The following PPARGC1A variants were observed in gnomAD, a reference collection of about 807,000 sequenced individuals.
The protein encoded by PPARGC1A is PPARG coactivator 1 alpha, also known as peroxisome proliferator-activated receptor gamma coactivator 1-alpha.
Under a neutral mutation model 88.7 loss-of-function variants are expected in PPARGC1A, and 25 were observed. The observed-to-expected ratio is 0.28, with a 90% CI of 0.21 to 0.39. The LOEUF (loss-of-function observed/expected upper bound fraction) is 0.39. Among genes scored for constraint, PPARGC1A ranks in the 10% least tolerant of loss-of-function variants. PPARGC1A has a pLI of 1.00. For synonymous variants in PPARGC1A, 363 were observed against 355.6 expected (o/e 1.02, Z -0.24); for missense variants, 880 against 968.7 (o/e 0.91, Z 1.22).
At chr4:24,308,275 G>C in the PPARGC1A span, among the ~76,000 whole-genome samples, 35,196 of 121,878 alleles carry the variant, frequency 0.29, 5,104 homozygotes, top group Middle Eastern at 0.46. Context: ...CTGGGTGACA[G>C]AGTGAGACTC....
intron 2 of PPARGC1A, among the ~76,000 whole-genome samples, chr4:23,864,041 C>T (rs1271607959): frequency 6.6e-6 from 1 of 152,152 alleles, no homozygotes; most frequent in African/African-American, 2.4e-5. Context: ...GTCACTGGAC[C>T]CAGCCTTGAA....
the PPARGC1A span, among the ~76,000 whole-genome samples, chr4:24,193,606 C>T: frequency 2.0e-5 from 3 of 152,272 alleles, no homozygotes; most frequent in East Asian, 1.9e-4. Context: ...CACATAGGGA[C>T]GCCATATATG....
chr4:24,220,651 C>T, the PPARGC1A span, among the ~76,000 whole-genome samples: 1 of 152,064 alleles, frequency 6.6e-6, no homozygotes, highest in East Asian at 1.9e-4. Context: ...CACGTTCTCA[C>T]TTATAAGTGG....
intron 2 of PPARGC1A, chr4:23,881,825 T>A (rs1000937508): frequency 4.6e-5 from 7 of 152,214 alleles, no homozygotes; most frequent in Admixed American, 4.6e-4. Flanking sequence ...CTTTGCAAAT[T>A]GGAAGAAGGT....
chr4:23,814,067 A>G lies in PPARGC1A; in HGVS notation c.1416T>C (p.Ala472=). The G allele has an allele frequency of 6.2e-7, 1 of 1,614,060 alleles. No homozygotes were observed. Reference sequence around the variant, plus strand: ...TCTTGTCTGCTTCGTCGTCAAAAACAGCTTGACTGGGATGACCGAAGTGCT... The same window carrying G: ...TCTTGTCTGCTTCGTCGTCAAAAACGGCTTGACTGGGATGACCGAAGTGCT... ...LNKHFGHPSQ[A]VFDDEADKTG... is the part of the protein sequence containing the mutation. The change falls in exon 8 of 13, where the codon GCT becomes GCC. Residue 472 remains alanine, a synonymous_variant. Coordinates refer to ENST00000264867, the MANE Select transcript of PPARGC1A (RefSeq NM_013261.5).
At chr4:24,108,342 G>A in the PPARGC1A span, among the ~76,000 whole-genome samples, 1 of 151,792 alleles carries the variant, frequency 6.6e-6, no homozygotes, top group African/African-American at 2.4e-5. Context: ...GAAAAACTAG[G>A]GTTTCTTCTA....
At chr4:24,469,562 T>C in the PPARGC1A span, among the ~76,000 whole-genome samples, 4 of 152,112 alleles carry the variant, frequency 2.6e-5, no homozygotes, top group Non-Finnish European at 4.4e-5. Flanking sequence ...TAATCTCCTC[T>C]CCCCACCATA....
At chr4:24,454,114 G>T in the PPARGC1A span, among the ~76,000 whole-genome samples, 2 of 151,722 alleles carry the variant, frequency 1.3e-5, no homozygotes, top group African/African-American at 4.8e-5. Context: ...ATACATGGCT[G>T]TGTTAGCCCC....
the PPARGC1A span, among the ~76,000 whole-genome samples, chr4:23,965,312 A>G: frequency 2.6e-5 from 4 of 152,198 alleles, no homozygotes; most frequent in Admixed American, 2.0e-4. Flanking sequence ...CCAAAAATTT[A>G]TTGATGGCAG....
chr4:23,906,574 C>T (rs1409918060), upstream of PPARGC1A, among the ~76,000 whole-genome samples: 1 of 142,562 alleles, frequency 7.0e-6, no homozygotes, highest in East Asian at 2.1e-4. Context: ...GCTACGCACT[C>T]CAGCCTGGGT....
At chr4:24,188,410 T>G in the PPARGC1A span, among the ~76,000 whole-genome samples, 7 of 152,222 alleles carry the variant, frequency 4.6e-5, no homozygotes, top group East Asian at 1.4e-3. Context: ...CACTAACTCT[T>G]AAGGAACCCC....
At chr4:24,151,340 A>G in the PPARGC1A span, among the ~76,000 whole-genome samples, 1 of 152,146 alleles carries the variant, frequency 6.6e-6, no homozygotes, top group Admixed American at 6.5e-5. Context: ...GCTTGCAGGT[A>G]GCTGCCTTCT....
At chr4:24,161,760 C>T in the PPARGC1A span, among the ~76,000 whole-genome samples, 4 of 152,260 alleles carry the variant, frequency 2.6e-5, no homozygotes, top group South Asian at 2.1e-4. Context: ...GGAGCTATGG[C>T]TTCACTGAGT....
chr4:24,046,615 T>C, the PPARGC1A span, among the ~76,000 whole-genome samples: 1 of 152,206 alleles, frequency 6.6e-6, no homozygotes, highest in Non-Finnish European at 1.5e-5. Flanking sequence ...ATCTTTAGTA[T>C]GTCCTGTGTG....
intron 2 of PPARGC1A, among the ~76,000 whole-genome samples, chr4:23,840,686 G>C (rs1227444967): frequency 5.3e-5 from 8 of 152,100 alleles, no homozygotes; most frequent in Admixed American, 3.9e-4. Context: ...TTATTATTGA[G>C]ATACTTAGTA....
At chr4:23,979,823 A>G in the PPARGC1A span, among the ~76,000 whole-genome samples, 2,452 of 152,228 alleles carry the variant, frequency 0.016, 63 homozygotes, top group African/African-American at 0.055. Flanking sequence ...CCCAGTGTGC[A>G]ATGTCTTTAG....
the PPARGC1A span, among the ~76,000 whole-genome samples, chr4:24,035,577 T>C: frequency 6.6e-6 from 1 of 151,468 alleles, no homozygotes; most frequent in Non-Finnish European, 1.5e-5. Context: ...AAATAAAAAA[T>C]AAAATAAAAA....
chr4:24,201,822 G>A, the PPARGC1A span, among the ~76,000 whole-genome samples: 1 of 151,614 alleles, frequency 6.6e-6, no homozygotes, highest in Non-Finnish European at 1.5e-5. Context: ...AATATTCTTG[G>A]CAATCTTTCA....
At chr4:24,107,739 G>A in the PPARGC1A span, among the ~76,000 whole-genome samples, 3 of 152,196 alleles carry the variant, frequency 2.0e-5, no homozygotes, top group Non-Finnish European at 4.4e-5. Flanking sequence ...GCAGGCAATA[G>A]GGAGCCATGG....
Sources: allele counts gnomAD v4.1 joint callset (sites outside exome capture counted in the v4.1 genomes callset), GRCh38; gene constraint gnomAD v4.1.1; transcripts MANE v1.5; gene names NCBI Gene and HGNC (gene_info 2026-07-23, HGNC 2026-07-21).